Variants in FRMPD4 observed in about 807,000 individuals in gnomAD.
FRMPD4 encodes the protein FERM and PDZ domain containing 4, also known as FERM and PDZ domain-containing protein 4.
Under a neutral mutation model 94.1 loss-of-function variants are expected in FRMPD4, and 22 were observed. The observed-to-expected ratio is 0.23, with a 90% CI of 0.17 to 0.33. The LOEUF is 0.33. FRMPD4 is among the 10% of genes least tolerant of loss of function. FRMPD4 has a pLI of 1.00. For synonymous variants in FRMPD4, 631 were observed against 548.6 expected (o/e 1.15, Z -2.10); for missense variants, 1,111 against 1,339.9 (o/e 0.83, Z 2.67).
At chrX:12,604,874 T>G (rs987015093) in intron 2 of FRMPD4, among the ~76,000 whole-genome samples, 2 of 111,538 alleles carry the variant, frequency 1.8e-5, no homozygotes, top group African/African-American at 6.5e-5. Context: ...GTCCATGTGT[T>G]CTCATCATTT....
intron 1 of FRMPD4, among the ~76,000 whole-genome samples, chrX:11,826,481 C>T (rs749867142): frequency 8.9e-6 from 1 of 111,862 alleles, no homozygotes; most frequent in East Asian, 2.8e-4. Flanking sequence ...CATTACACCT[C>T]TTGATGCTGA....
intron 3 of FRMPD4, among the ~76,000 whole-genome samples, chrX:11,912,508 A>T (rs2054001950): frequency 8.9e-6 from 1 of 112,108 alleles, no homozygotes; most frequent in African/African-American, 3.2e-5. Context: ...AAGGACAAAA[A>T]TATCACTTGA....
At chrX:12,106,103 C>T (rs969338079) in intron 3 of FRMPD4, among the ~76,000 whole-genome samples, 2 of 111,460 alleles carry the variant, frequency 1.8e-5, no homozygotes, top group African/African-American at 6.5e-5. Flanking sequence ...CCTGCGATAA[C>T]AGATCAATAA....
At chrX:12,031,483 G>A (rs1313941794) in intron 3 of FRMPD4, among the ~76,000 whole-genome samples, 2 of 111,772 alleles carry the variant, frequency 1.8e-5, no homozygotes, top group African/African-American at 6.5e-5. Context: ...AAGCTGAGGA[G>A]TCAAGGTTTT....
chrX:12,447,583 G>C (rs1212503403), intron 1 of FRMPD4, among the ~76,000 whole-genome samples: 2 of 112,332 alleles, frequency 1.8e-5, no homozygotes, highest in South Asian at 3.7e-4. Context: ...TTCTGAGTCA[G>C]ATGGAATCAA....
At chrX:12,512,697 C>A (rs2058056096) in intron 2 of FRMPD4, among the ~76,000 whole-genome samples, 1 of 112,292 alleles carries the variant, frequency 8.9e-6, no homozygotes, top group Non-Finnish European at 1.9e-5. Flanking sequence ...GTACATGTAA[C>A]TTTATAATAG....
chrX:12,473,896 C>G (rs1224470567), intron 1 of FRMPD4, among the ~76,000 whole-genome samples: 2 of 109,215 alleles, frequency 1.8e-5, no homozygotes, highest in Admixed American at 9.6e-5. Context: ...GTCAACATTA[C>G]ACAGATCGAC....
rs773322967 is a variant in FRMPD4 at position 12,556,685 on chromosome X, G to A, written c.159-53036G>A. ...GTGGTCATTTGTTACAGCAGCAATA[G>A]AAGACTATTACAATTAGAACCTCGT... On this transcript the variant is annotated intron_variant, in intron 2 of 16. Coordinates refer to ENST00000675598, the MANE Select transcript of FRMPD4 (RefSeq NM_001368397.1). Among the ~76,000 whole-genome samples, 10 of 111,933 alleles carry A rather than the reference G, an allele frequency of 8.9e-5. 1 individual carries two copies. The South Asian group carries it at 2.3e-3, about 25-fold the overall frequency.
intron 2 of FRMPD4, among the ~76,000 whole-genome samples, chrX:12,566,956 A>T (rs1177727321): frequency 1.2e-5 from 1 of 86,140 alleles, no homozygotes; most frequent in Admixed American, 1.2e-4. Flanking sequence ...ATTGGATATA[A>T]CTCAAAGTTC....
At chrX:12,651,051 T>C (rs1212534567) in intron 4 of FRMPD4, among the ~76,000 whole-genome samples, 1 of 112,651 alleles carries the variant, frequency 8.9e-6, no homozygotes, top group East Asian at 2.8e-4. Context: ...CTGTGTGTGC[T>C]AAAAACACAG....
intron 1 of FRMPD4, among the ~76,000 whole-genome samples, chrX:12,357,255 A>G (rs1457678445): frequency 8.9e-6 from 1 of 112,049 alleles, no homozygotes; most frequent in Non-Finnish European, 1.9e-5. Flanking sequence ...AGAATTAGCT[A>G]CTAAAGATTT....
intron 3 of FRMPD4, among the ~76,000 whole-genome samples, chrX:11,890,550 C>T (rs774956061): frequency 8.9e-6 from 1 of 112,291 alleles, no homozygotes. Context: ...TTTTTCAAAG[C>T]CTTACCCTTA....
At chrX:12,343,853 C>A (rs2055658084) in intron 1 of FRMPD4, among the ~76,000 whole-genome samples, 1 of 111,939 alleles carries the variant, frequency 8.9e-6, no homozygotes. Context: ...AGTTCATGAA[C>A]AAAACCTGAA....
intron 1 of FRMPD4, among the ~76,000 whole-genome samples, chrX:12,452,710 T>G (rs1222634128): frequency 8.9e-6 from 1 of 112,636 alleles, no homozygotes; most frequent in Non-Finnish European, 1.9e-5. Context: ...TGTTATGTCC[T>G]CTCATAAATG....
chrX:11,930,869 G>A (rs772462605), intron 3 of FRMPD4, among the ~76,000 whole-genome samples: 2 of 111,023 alleles, frequency 1.8e-5, no homozygotes, highest in African/African-American at 6.6e-5. Flanking sequence ...GTTATTATCA[G>A]TCTGCTTATG....
rs780346673 is a variant in FRMPD4 at position 12,702,005 on chromosome X, C to T, written c.1065C>T (p.Tyr355=). Residue 355 remains tyrosine (Y), a synonymous_variant, in exon 10 of 17, where the codon TAC becomes TAT. Transcript: ENST00000675598. ...TKQTQKISLK[Y]IEKEWGLETF... ...AAACGCAGAAAATCTCCCTCAAATA[C>T]ATCGAGTAAGTGTTGACTCTCAGCG... 4.1e-6 allele frequency: 5 copies of T among 1,210,404 alleles called. No homozygotes were observed. Among genetic ancestry groups the T allele is most frequent in the Non-Finnish European group, 5.6e-6 (5 of 893,777 alleles).
At chrX:11,900,346 A>G (rs916427056) in intron 3 of FRMPD4, among the ~76,000 whole-genome samples, 1 of 111,555 alleles carries the variant, frequency 9.0e-6, no homozygotes, top group Non-Finnish European at 1.9e-5. Flanking sequence ...TAAAGGGTAT[A>G]GGTTGAGGAA....
chrX:12,008,540 A>C (rs2054565709), intron 3 of FRMPD4, among the ~76,000 whole-genome samples: 1 of 112,888 alleles, frequency 8.9e-6, no homozygotes, highest in Admixed American at 9.4e-5. Flanking sequence ...AGTCATCCTC[A>C]GCAGAAGGCA....
chrX:12,449,796 T>C (rs1235026655), intron 1 of FRMPD4, among the ~76,000 whole-genome samples: 1 of 110,875 alleles, frequency 9.0e-6, no homozygotes, highest in Non-Finnish European at 1.9e-5. Context: ...GAGATCAGCC[T>C]TGGCAACATA....
Sources: gnomAD v4.1 joint callset for allele counts (sites outside exome capture counted in the v4.1 genomes callset) on GRCh38, gnomAD v4.1.1 for gene constraint, MANE v1.5 for transcripts, NCBI Gene and HGNC (gene_info 2026-07-23, HGNC 2026-07-21) for gene names.